Variants in ST6GALNAC3 observed in about 807,000 individuals in gnomAD.
The protein encoded by ST6GALNAC3 is ST6 N-acetylgalactosaminide alpha-2,6-sialyltransferase 3, also known as alpha-N-acetylgalactosaminide alpha-2,6-sialyltransferase 3.
In ST6GALNAC3, 25 loss-of-function variants were observed where a neutral mutation model predicts 32.7. That is an observed-to-expected ratio of 0.76 (90% CI 0.56 to 1.07). The LOEUF (loss-of-function observed/expected upper bound fraction) is 1.07. Ranked by LOEUF, ST6GALNAC3 falls within the 50% of genes least tolerant of loss-of-function variation. The pLI is 0.00. For missense variants in ST6GALNAC3, 355 were observed against 382.4 expected, an observed-to-expected ratio of 0.93 and a Z score of 0.60; for synonymous variants, 129 against 133.1, an observed-to-expected ratio of 0.97 and a Z score of 0.21.
At chr1:76,287,184 A>G (rs1273523017) in intron 1 of ST6GALNAC3, among the ~76,000 whole-genome samples, 1 of 152,188 alleles carries the variant, frequency 6.6e-6, no homozygotes, top group Non-Finnish European at 1.5e-5. Context: ...CTGTGTTCAC[A>G]TGTCCTTAGT....
At chr1:76,627,662 A>G in intron 4 of ST6GALNAC3, 103 bp downstream of exon 4, 1 of 916,938 alleles carries the variant, frequency 1.1e-6, no homozygotes, top group Non-Finnish European at 1.7e-6. Context: ...AGATAAAGCA[A>G]CAATTATTTC....
rs1648795000 is a variant in ST6GALNAC3, at chr1:76,349,433, C to G, written c.213+35434C>G. On this transcript the variant is annotated intron_variant, in intron 2 of 4. Transcript: ENST00000328299. ...ATCCCTTCAGAATTTCTTCTCTCTT[C>G]TTGTTGCCTCTTGCTTTTCTTACAT... is the stretch of plus-strand genomic sequence containing the variant. Among the ~76,000 whole-genome samples, 3 of 152,146 alleles carry G rather than the reference C, an allele frequency of 2.0e-5. No individual in the cohort carries two copies. In the South Asian group the frequency reaches 6.2e-4, roughly 32 times the overall value.
At chr1:76,445,524 T>C (rs1396237054) in intron 3 of ST6GALNAC3, among the ~76,000 whole-genome samples, 2 of 152,230 alleles carry the variant, frequency 1.3e-5, no homozygotes, top group Admixed American at 6.5e-5. Flanking sequence ...ATTCACAGTA[T>C]AAATACACTG....
chr1:76,322,338 C>G (rs998679005), intron 2 of ST6GALNAC3, among the ~76,000 whole-genome samples: 1 of 152,124 alleles, frequency 6.6e-6, no homozygotes, highest in Non-Finnish European at 1.5e-5. Context: ...TTATTCTGTT[C>G]CAGACATTGT....
rs767544838 is a variant in ST6GALNAC3, at chr1:76,461,072, C to T, written c.623+48655C>T. Among the ~76,000 whole-genome samples, 61 of 152,198 alleles carry T rather than the reference C, an allele frequency of 4.0e-4. No homozygotes were observed. In the Middle Eastern group the frequency reaches 0.02, roughly 51 times the overall value. On this transcript the variant is annotated intron_variant, in intron 3 of 4. Coordinates refer to ENST00000328299, the MANE Select transcript of ST6GALNAC3 (RefSeq NM_152996.4). ...AAGTAAATTCATAGTTCAAAAAGAT[C>T]CAACTTAGAAAAGCCTGAGGCAGAA... is the stretch of plus-strand genomic sequence containing the variant.
chr1:76,603,309 TC>T (rs1182658633), intron 3 of ST6GALNAC3, among the ~76,000 whole-genome samples: 3 of 152,186 alleles, frequency 2.0e-5, no homozygotes, highest in African/African-American at 7.2e-5. Context: ...AAAACTGGAA[TC>T]ATCTCAAATA....
chr1:76,295,566 A>G (rs1457084638), intron 1 of ST6GALNAC3, among the ~76,000 whole-genome samples: 1 of 152,084 alleles, frequency 6.6e-6, no homozygotes, highest in African/African-American at 2.4e-5. Flanking sequence ...TATGTAGGGG[A>G]TAGAAAATCT....
intron 1 of ST6GALNAC3, among the ~76,000 whole-genome samples, chr1:76,212,814 C>G (rs1181232661): frequency 2.6e-5 from 4 of 152,062 alleles, no homozygotes; most frequent in Non-Finnish European, 4.4e-5. Flanking sequence ...GGGATGCTTT[C>G]TTGGTCATGA....
At chr1:76,154,976 T>G (rs1173289467) in intron 1 of ST6GALNAC3, among the ~76,000 whole-genome samples, 2 of 152,236 alleles carry the variant, frequency 1.3e-5, no homozygotes, top group Non-Finnish European at 2.9e-5. Flanking sequence ...ACCTCTTGAT[T>G]GAAATCTTTG....
intron 3 of ST6GALNAC3, among the ~76,000 whole-genome samples, chr1:76,457,838 T>C (rs1029666406): frequency 1.3e-5 from 2 of 149,842 alleles, no homozygotes; most frequent in African/African-American, 2.4e-5. Context: ...GGACTTCATG[T>C]CTAAAACACC....
At chr1:76,322,123 G>T (rs1167001668) in intron 2 of ST6GALNAC3, among the ~76,000 whole-genome samples, 4 of 152,090 alleles carry the variant, frequency 2.6e-5, no homozygotes, top group Non-Finnish European at 2.9e-5. Context: ...TACCTCATTT[G>T]TGACAAGCAA....
At chr1:76,623,900 T>C (rs1368853715) in intron 3 of ST6GALNAC3, among the ~76,000 whole-genome samples, 1 of 151,938 alleles carries the variant, frequency 6.6e-6, no homozygotes, top group Non-Finnish European at 1.5e-5. Context: ...CCCAGATTAC[T>C]AGGCATTTAT....
At chr1:76,126,014 T>C (rs1649216309) in intron 1 of ST6GALNAC3, among the ~76,000 whole-genome samples, 1 of 152,204 alleles carries the variant, frequency 6.6e-6, no homozygotes, top group African/African-American at 2.4e-5. Flanking sequence ...CAAGGTCCCC[T>C]GGGATTCTGT....
At chr1:76,360,618 T>C (rs1649853313) in intron 2 of ST6GALNAC3, among the ~76,000 whole-genome samples, 1 of 152,236 alleles carries the variant, frequency 6.6e-6, no homozygotes, top group Non-Finnish European at 1.5e-5. Context: ...AAAATATTTC[T>C]GGTAGCTAAT....
At chr1:76,491,297 G>A (rs1660485771) in intron 3 of ST6GALNAC3, among the ~76,000 whole-genome samples, 1 of 151,908 alleles carries the variant, frequency 6.6e-6, no homozygotes, top group Admixed American at 6.6e-5. Context: ...ATATTTTCTG[G>A]GTCTGGCCAA....
chr1:76,096,918 C>CTTTTT (rs545909921), intron 1 of ST6GALNAC3, among the ~76,000 whole-genome samples: 1 of 130,710 alleles, frequency 7.7e-6, no homozygotes, highest in East Asian at 2.2e-4. Context: ...AGTCATAGAG[C>CTTTTT]TTTTTTTTTT....
chr1:76,198,685 T>C (rs754464162), intron 1 of ST6GALNAC3, among the ~76,000 whole-genome samples: 37 of 152,146 alleles, frequency 2.4e-4, no homozygotes, highest in Non-Finnish European at 7.3e-5. Context: ...TGCTTTTCAC[T>C]GATGAAGGGA....
rs532239392 is a variant in ST6GALNAC3 at position 76,231,809 on chromosome 1, C to T, written c.19-81996C>T. On this transcript the variant is annotated intron_variant, in intron 1 of 4. Coordinates refer to ENST00000328299, the MANE Select transcript of ST6GALNAC3 (RefSeq NM_152996.4). ...TAATGCTGCTAAAAACATGGGTGTG[C>T]AGATATCTCTTTGAGACCCTGCTTT... 2.0e-4 allele frequency among the ~76,000 whole-genome samples: 30 copies of T among 152,228 alleles called. No individual in the cohort carries two copies. The South Asian group carries it at 5.8e-3, about 29-fold the overall frequency.
intron 2 of ST6GALNAC3, among the ~76,000 whole-genome samples, chr1:76,373,706 C>T (rs1358773368): frequency 6.6e-6 from 1 of 152,002 alleles, no homozygotes; most frequent in Non-Finnish European, 1.5e-5. Context: ...CATTTTTTGT[C>T]CCTAGATCAT....
Sources: allele counts gnomAD v4.1 joint callset (sites outside exome capture counted in the v4.1 genomes callset), GRCh38; gene constraint gnomAD v4.1.1; transcripts MANE v1.5; gene names NCBI Gene and HGNC (gene_info 2026-07-23, HGNC 2026-07-21).